Variants in FIGNL2 observed in about 807,000 individuals in gnomAD.
FIGNL2 encodes fidgetin like 2.
For missense variants in FIGNL2, 1,060 were observed against 950.2 expected (o/e 1.12, Z -1.52); for synonymous variants, 565 against 484.0 (o/e 1.17, Z -2.20).
rs1489347723 is a variant in FIGNL2 at position 51,848,534 on chromosome 12, C to T, written c.-12+6G>A. The T allele has an allele frequency of 1.0e-6, 1 of 984,368 alleles. No homozygotes were observed. Among genetic ancestry groups the T allele is most frequent in the Admixed American group, 6.2e-5 (1 of 16,228 alleles). 61.0% of individuals were successfully genotyped at this position (984,368 alleles called of 1,614,324 possible). A position where few individuals can be genotyped will look rare whatever the true frequency, so the allele number is the denominator to read the frequency against. On this transcript the variant is annotated splice_donor_region_variant and intron_variant, in intron 1 of 1. Coordinates refer to ENST00000618634, the MANE Select transcript of FIGNL2 (RefSeq NM_001384995.1). ...GCCCCATCCCGGCCCGCCCGCGGCC[C>T]CGTACCTCGGCATCACGGCCGGGTC... is the stretch of plus-strand genomic sequence containing the variant.
chr12:51,826,568 G>GA (rs1413544061), intron 1 of FIGNL2, among the ~76,000 whole-genome samples: 7 of 151,576 alleles, frequency 4.6e-5, no homozygotes, highest in Non-Finnish European at 8.8e-5. Context: ...GAACCTGGGA[G>GA]GTGGAGGTTG....
chr12:51,841,007 C>A (rs1939651606), intron 1 of FIGNL2, among the ~76,000 whole-genome samples: 1 of 152,244 alleles, frequency 6.6e-6, no homozygotes, highest in African/African-American at 2.4e-5. Context: ...CATGCCCCCA[C>A]AGGGCCAGGC....
At chr12:51,846,483 G>A (rs1397401893) in intron 1 of FIGNL2, among the ~76,000 whole-genome samples, 3 of 152,186 alleles carry the variant, frequency 2.0e-5, no homozygotes, top group Non-Finnish European at 4.4e-5. Context: ...GCAGGGAGGG[G>A]AGTCCTGATC....
chr12:51,823,962 A>T (rs112928752), intron 1 of FIGNL2: 2 of 152,258 alleles, frequency 1.3e-5, no homozygotes. Flanking sequence ...TTGCTGGACC[A>T]TGAAAAGTGA....
In FIGNL2 at chr12:51,820,203, C is replaced by T. The variant is rs1592182916; in HGVS notation, c.*249G>A. ...TGCCGGATCTGCCCGGTCTGCCGGG[C>T]GGAGATGGCGAGCTTCCAGTCCACA... On this transcript the variant is annotated 3_prime_UTR_variant, in exon 2 of 2. Transcript: ENST00000618634. The T allele has an allele frequency of 5.9e-6, 3 of 511,822 alleles. No homozygotes were observed. The highest frequency in any genetic ancestry group is 1.0e-5 in the Non-Finnish European group (3 of 293,126). 31.7% of individuals were successfully genotyped at this position (511,822 alleles called of 1,614,324 possible).
chr12:51,845,264 G>C (rs1262488750), intron 1 of FIGNL2, among the ~76,000 whole-genome samples: 1 of 152,206 alleles, frequency 6.6e-6, no homozygotes, highest in Non-Finnish European at 1.5e-5. Context: ...TTCAGTGGCT[G>C]CTCTGGGAAG....
chr12:51,846,463 C>T lies in FIGNL2; in HGVS notation c.-12+2077G>A, dbSNP rs933266911. Among the ~76,000 whole-genome samples, 53 of 152,276 alleles carry T rather than the reference C, an allele frequency of 3.5e-4. No homozygotes were observed. The Middle Eastern group carries it at 0.014, about 39-fold the overall frequency. ...CTAGATCTCAGCAATAAAGCTGCGG[C>T]CCAGGCAGGGCAGGGAGGGGAGTCC... On this transcript the variant is annotated intron_variant, in intron 1 of 1. Coordinates refer to ENST00000618634, the MANE Select transcript of FIGNL2 (RefSeq NM_001384995.1).
chr12:51,827,103 G>A (rs1055647199), intron 1 of FIGNL2, among the ~76,000 whole-genome samples: 1 of 152,208 alleles, frequency 6.6e-6, no homozygotes, highest in African/African-American at 2.4e-5. Context: ...GCCAGTTACA[G>A]CCCTCTTGCT....
chr12:51,820,830 G>A lies in FIGNL2; in HGVS notation c.1584C>T (p.Gly528=). 6.8e-7 allele frequency: 1 copy of A among 1,464,746 alleles called. No individual in the cohort carries two copies. The highest frequency in any genetic ancestry group is 9.0e-7 in the Non-Finnish European group (1 of 1,115,784). 90.7% of individuals were successfully genotyped at this position (1,464,746 alleles called of 1,614,324 possible). ...LDGGCGAGAD[G]VLVVGTTSRP... ...GCGAGGTGGTGCCCACAACCAGCAC[G>A]CCGTCAGCCCCCGCGCCGCAGCCCC... is the stretch of plus-strand genomic sequence containing the variant. Residue 528 remains glycine (G), a synonymous_variant, in exon 2 of 2, where the codon GGC becomes GGT. Coordinates refer to ENST00000618634, the MANE Select transcript of FIGNL2 (RefSeq NM_001384995.1).
In FIGNL2 at chr12:51,821,320, TC is replaced by T. The variant is rs1361047104; in HGVS notation, c.1093del (p.Glu365ArgfsTer14). 3.3e-6 allele frequency: 5 copies of T among 1,508,938 alleles called. No individual in the cohort carries two copies. The highest frequency in any genetic ancestry group is 2.6e-5 in the East Asian group (1 of 38,304). The allele number at this position is 1,508,938 out of a possible 1,614,324, so 93.5% of individuals were successfully genotyped here. A position where few individuals can be genotyped will look rare whatever the true frequency, so the allele number is the denominator to read the frequency against. ...CCCAGGGTCCACGCCTTTGGGAGTC[TC>T]CCCCGACGGCACGGCGAACCCCCCA... Reference protein sequence around the residue: ...PRGGFAVPSGETPKGVDPGAL... With the variant: ...PRGGFAVPSGXTPKGVDPGAL... On this transcript the variant is annotated frameshift_variant, in exon 2 of 2. Transcript: ENST00000618634. LOFTEE classifies it low-confidence loss of function (END_TRUNC).
At position 51,822,266 on chromosome 12, in the gene FIGNL2, C is replaced by T. The variant is rs763803653; in HGVS notation, c.148G>A (p.Asp50Asn). The change falls in exon 2 of 2, where the codon GAC (aspartate) becomes AAC (asparagine). Residue 50 changes from aspartate (D) to asparagine (N), a missense_variant. Physicochemically the swap from Asp to Asn is conservative, Grantham distance 23. Coordinates refer to ENST00000618634, the MANE Select transcript of FIGNL2 (RefSeq NM_001384995.1). Reference protein sequence around the residue: ...QRCHYAWAHDDISALTASNLL... With the variant: ...QRCHYAWAHDNISALTASNLL... ...TTGGAGGCAGTGAGGGCTGAGATGT[C>T]GTCGTGTGCCCAAGCGTAGTGGCAG... 7 of 1,611,070 alleles carry T rather than the reference C, an allele frequency of 4.3e-6. No homozygotes were observed. The highest frequency in any genetic ancestry group is 5.1e-6 in the Non-Finnish European group (6 of 1,178,770).
In FIGNL2 at chr12:51,821,023, G is replaced by A; in HGVS notation, c.1391C>T (p.Pro464Leu). 16 of 1,176,132 alleles carry A rather than the reference G, an allele frequency of 1.4e-5. No homozygotes were observed. The highest frequency in any genetic ancestry group is 1.7e-5 in the Non-Finnish European group (16 of 954,158). 72.9% of individuals were successfully genotyped at this position (1,176,132 alleles called of 1,614,324 possible). A position where few individuals can be genotyped will look rare whatever the true frequency, so the allele number is the denominator to read the frequency against. The change falls in exon 2 of 2, where the codon CCC becomes CTC. Residue 464 changes from proline to leucine, a missense_variant. Transcript: ENST00000618634. ...GAGGCGCGCGCCCTCGGCGGCGCCG[G>A]GCGCAGCCAGGGTCGCGCCGCGCAG... ...LRLRGATLAA[P>L]GAAEGARLLQ...
intron 1 of FIGNL2, among the ~76,000 whole-genome samples, chr12:51,830,288 CA>C (rs554525207): frequency 1.6e-3 from 204 of 130,646 alleles, no homozygotes; most frequent in Non-Finnish European, 2.2e-3. Flanking sequence ...GTCTCCATCT[CA>C]AAAAAAAAAA....
chr12:51,829,228 A>G (rs1939405760), intron 1 of FIGNL2, among the ~76,000 whole-genome samples: 1 of 152,208 alleles, frequency 6.6e-6, no homozygotes, highest in Admixed American at 6.5e-5. Context: ...TCATTTATCT[A>G]TTCACCAAGG....
At chr12:51,845,769 G>T in intron 1 of FIGNL2, 1 of 559,972 alleles carries the variant, frequency 1.8e-6, no homozygotes, top group African/African-American at 2.7e-5. Flanking sequence ...GGCAGCAGTC[G>T]GAGCTTGGGG....
chr12:51,835,833 T>A (rs1939571094), intron 1 of FIGNL2, among the ~76,000 whole-genome samples: 2 of 151,134 alleles, frequency 1.3e-5, no homozygotes, highest in South Asian at 4.2e-4. Context: ...ATAGACAGAG[T>A]TTCATTCTTA....
rs905006024 is a variant in FIGNL2 at position 51,834,025 on chromosome 12, A to G, written c.-11-11601T>C. 3.8e-3 allele frequency among the ~76,000 whole-genome samples: 539 copies of G among 143,282 alleles called. 6 individuals are homozygous for G. Among genetic ancestry groups the G allele is most frequent in the Non-Finnish European group, 5.0e-3 (331 of 65,656 alleles). 94.0% of individuals were successfully genotyped at this position (143,282 alleles called of 152,430 possible). On this transcript the variant is annotated intron_variant, in intron 1 of 1. Coordinates refer to ENST00000618634, the MANE Select transcript of FIGNL2 (RefSeq NM_001384995.1). ...AATGGACAGACAAATGGACGGATGG[A>G]TGGATGGATGGATGGATGAATGGAC...
chr12:51,820,899 C>T lies in FIGNL2; in HGVS notation c.1515G>A (p.Ala505=), dbSNP rs917009872. The change falls in exon 2 of 2, where the codon GCG becomes GCA. Residue 505 remains alanine, a synonymous_variant. Coordinates refer to ENST00000618634, the MANE Select transcript of FIGNL2 (RefSeq NM_001384995.1). ...GCGGCACCTGCAGCGCGCCCCCTGC[C>T]GCCGCGCCGTCGTCCCGGGCGGGGA... ...ALLPARDDGA[A]AGGALQVPLL... The T allele has an allele frequency of 1.5e-5, 20 of 1,339,152 alleles. No homozygotes were observed. In the East Asian group the frequency reaches 3.8e-4, roughly 26 times the overall value. 83.0% of individuals were successfully genotyped at this position (1,339,152 alleles called of 1,614,324 possible).
At chr12:51,839,826 G>A (rs892200635) in intron 1 of FIGNL2, among the ~76,000 whole-genome samples, 3 of 152,118 alleles carry the variant, frequency 2.0e-5, no homozygotes, top group Admixed American at 2.0e-4. Context: ...GGTACAAGTG[G>A]CTCTCTAGCC....
Sources: gnomAD v4.1 joint callset for allele counts (sites outside exome capture counted in the v4.1 genomes callset) on GRCh38, gnomAD v4.1.1 for gene constraint, MANE v1.5 for transcripts, NCBI Gene and HGNC (gene_info 2026-07-23, HGNC 2026-07-21) for gene names.